The following NCOR2 variants were observed in gnomAD, a reference collection of about 807,000 sequenced individuals.
NCOR2 encodes the protein CTG repeat protein 26.
Under a neutral mutation model 262.9 loss-of-function variants are expected in NCOR2, and 81 were observed. That is an observed-to-expected ratio of 0.31 (90% CI 0.26 to 0.37). NCOR2 has a LOEUF of 0.37. NCOR2 is among the 10% of genes least tolerant of loss of function. The pLI is 1.00. For synonymous variants in NCOR2, 1,659 were observed against 1,559.3 expected, an observed-to-expected ratio of 1.06 and a Z score of -1.51; for missense variants, 3,385 against 3,621.4, an observed-to-expected ratio of 0.93 and a Z score of 1.68.
chr12:124,397,431 G>A (rs143129326), intron 16 of NCOR2, among the ~76,000 whole-genome samples: 6,363 of 152,242 alleles, frequency 0.042, 198 homozygotes, highest in Non-Finnish European at 0.06. Flanking sequence ...GAGGGGATCC[G>A]GCTTAGGAGG....
intron 1 of NCOR2, among the ~76,000 whole-genome samples, chr12:124,507,527 G>A (rs1369941532): frequency 2.6e-5 from 4 of 152,246 alleles, no homozygotes; most frequent in Admixed American, 6.5e-5. Flanking sequence ...TGCAGCATGC[G>A]TCCAGGCCTT....
chr12:124,534,728 G>A (rs576323641), intron 1 of NCOR2, among the ~76,000 whole-genome samples: 12 of 152,346 alleles, frequency 7.9e-5, no homozygotes, highest in African/African-American at 2.9e-4. Flanking sequence ...TGGGAAGGGT[G>A]AGAAGGGGTT....
chr12:124,439,411 AC>A, intron 7 of NCOR2, among the ~76,000 whole-genome samples: 1 of 152,028 alleles, frequency 6.6e-6, no homozygotes, highest in Non-Finnish European at 1.5e-5. Flanking sequence ...GGAGACAGAG[AC>A]CCAGAGAGAG....
chr12:124,410,635 C>T (rs1404152500), intron 13 of NCOR2, among the ~76,000 whole-genome samples: 1 of 152,176 alleles, frequency 6.6e-6, no homozygotes, highest in East Asian at 1.9e-4. Flanking sequence ...AGATACAAGC[C>T]CTCGGCCTGG....
At chr12:124,524,942 A>G (rs1566025087) in intron 1 of NCOR2, among the ~76,000 whole-genome samples, 1 of 152,240 alleles carries the variant, frequency 6.6e-6, no homozygotes, top group Non-Finnish European at 1.5e-5. Context: ...AGTGACGTAC[A>G]TGAGTCCGGA....
Position 124,325,378 on chromosome 12 carries a change from C to CCCCCG in NCOR2, c.*23_*24insCGGGG, listed in dbSNP as rs1555297221. ...TGTGGCTCGCTGGGACCTGACACCGCCCCCCCCCCCGCCCTGTTCTGAGTC... is the reference window on the plus strand; with the variant it reads ...TGTGGCTCGCTGGGACCTGACACCGCCCCCGCCCCCCCCCCGCCCTGTTCTGAGTC... On this transcript the variant is annotated 3_prime_UTR_variant, in exon 47 of 47. Coordinates refer to ENST00000405201, the Ensembl canonical transcript of NCOR2. The CCCCCG allele has an allele frequency of 1.4e-4, 32 of 232,278 alleles. 2 individuals carry two copies. Among genetic ancestry groups the CCCCCG allele is most frequent in the African/African-American group, 1.9e-4 (2 of 10,794 alleles). The allele number at this position is 232,278 out of a possible 1,614,324, so 14.4% of individuals were successfully genotyped here.
chr12:124,337,549 G>A lies in NCOR2; in HGVS notation c.5688-369C>T, dbSNP rs184907358. ...GCTCTACAGAGCCTGGTAACTGTGT[G>A]GAGGTAGTCAATGAGGTACCAGGAG... On this transcript the variant is annotated intron_variant, in intron 37 of 46. Transcript: ENST00000405201. 2.0e-5 allele frequency among the ~76,000 whole-genome samples: 3 copies of A among 152,332 alleles called. No homozygotes were observed. The East Asian group carries it at 5.8e-4, about 29-fold the overall frequency.
At chr12:124,544,299 C>T (rs1199160067) in intron 1 of NCOR2, among the ~76,000 whole-genome samples, 1 of 152,218 alleles carries the variant, frequency 6.6e-6, no homozygotes, top group Non-Finnish European at 1.5e-5. Flanking sequence ...CCCAAAATGT[C>T]AGCTGCTGGC....
intron 6 of NCOR2, among the ~76,000 whole-genome samples, chr12:124,452,558 T>G (rs1335420826): frequency 6.6e-6 from 1 of 152,224 alleles, no homozygotes; most frequent in African/African-American, 2.4e-5. Flanking sequence ...TTGGTGAAAT[T>G]TGGTGTTTGT....
exon 31 of NCOR2, chr12:124,346,774 C>T (rs754425108): frequency 2.6e-6 from 4 of 1,559,326 alleles, no homozygotes; most frequent in South Asian, 2.4e-5. Context: ...GGGGCGGAGG[C>T]GTGCCCTCCC....
intron 27 of NCOR2, 79 bp downstream of exon 29, chr12:124,354,014 G>A (rs1047816898): frequency 3.1e-6 from 4 of 1,294,476 alleles, no homozygotes; most frequent in African/African-American, 1.5e-5. Flanking sequence ...TAATGGTTTG[G>A]TGACAATGAG....
intron 19 of NCOR2, among the ~76,000 whole-genome samples, chr12:124,374,041 C>A (rs1018853882): frequency 6.6e-6 from 1 of 152,212 alleles, no homozygotes; most frequent in African/African-American, 2.4e-5. Flanking sequence ...GCATTCCTGG[C>A]TCTCTAGCCC....
intron 34 of NCOR2, among the ~76,000 whole-genome samples, chr12:124,341,530 C>A (rs2036458492): frequency 6.6e-6 from 1 of 152,232 alleles, no homozygotes; most frequent in Non-Finnish European, 1.5e-5. Flanking sequence ...AGCCACTGTG[C>A]CCGGCCACAT....
chr12:124,464,741 G>C (rs1032553398), intron 5 of NCOR2, among the ~76,000 whole-genome samples: 1 of 152,116 alleles, frequency 6.6e-6, no homozygotes, highest in African/African-American at 2.4e-5. Context: ...TGATGCCGTC[G>C]TTGTCATTGT....
At chr12:124,362,493 C>T (rs1339374713) in intron 21 of NCOR2, among the ~76,000 whole-genome samples, 196 bp from the exon 24 acceptor site, 2 of 151,964 alleles carry the variant, frequency 1.3e-5, no homozygotes, top group African/African-American at 4.8e-5. Flanking sequence ...AAAGCCTGGC[C>T]CAGCTGCCCG....
In NCOR2 at chr12:124,457,195, T is replaced by A; in HGVS notation, c.706-33A>T. 1 of 1,537,152 alleles carries A rather than the reference T, an allele frequency of 6.5e-7. No individual in the cohort carries two copies. The highest frequency in any genetic ancestry group is 2.4e-5 in the Admixed American group (1 of 41,892). On this transcript the variant is annotated intron_variant, in intron 5 of 46. Transcript: ENST00000405201. This position sits in a 1 kb window ranked among gnomAD's most constrained non-coding sequence, Gnocchi z 4.0. ...GTGATGGCGAAGAGGAGGAATTTTTTTAAAAAACAAAAAAACACAGATTAT... is the reference window on the plus strand; with the variant it reads ...GTGATGGCGAAGAGGAGGAATTTTTATAAAAAACAAAAAAACACAGATTAT...
At chr12:124,422,391 G>A in intron 12 of NCOR2, 110 bp downstream of exon 14, 3 of 1,303,538 alleles carry the variant, frequency 2.3e-6, no homozygotes, top group Non-Finnish European at 3.3e-6. Context: ...GGAGCAAGGG[G>A]CCAGGCAGGC....
chr12:124,390,576 G>C (rs1017860262), intron 16 of NCOR2, among the ~76,000 whole-genome samples: 1 of 152,142 alleles, frequency 6.6e-6, no homozygotes, highest in South Asian at 2.1e-4. Context: ...ATCGGCAGGT[G>C]TCCGGGGCCT....
intron 3 of NCOR2, among the ~76,000 whole-genome samples, chr12:124,479,527 G>C (rs572943672): frequency 6.6e-6 from 1 of 150,548 alleles, no homozygotes; most frequent in Non-Finnish European, 1.5e-5. Flanking sequence ...GCGCGCACAC[G>C]CACACACACA....
Sources: gnomAD v4.1 joint callset for allele counts (sites outside exome capture counted in the v4.1 genomes callset) on GRCh38, gnomAD v4.1.1 for gene constraint, Gnocchi (gnomAD v3.1) non-coding constraint, MANE v1.5 for transcripts, NCBI Gene and HGNC (gene_info 2026-07-23, HGNC 2026-07-21) for gene names.